The following PCYT1A variants were observed in gnomAD, a reference collection of about 807,000 sequenced individuals.
The protein encoded by PCYT1A is phosphate cytidylyltransferase 1A, choline.
PCYT1A carries 25 observed loss-of-function variants against 43.7 expected under a neutral mutation model. The ratio of observed to expected loss-of-function variants is 0.57; its 90% confidence interval spans 0.42 to 0.80. PCYT1A has a LOEUF of 0.80. Among genes scored for constraint, PCYT1A ranks in the 30% least tolerant of loss-of-function variants. The pLI is 0.00. For synonymous variants in PCYT1A, 172 were observed against 170.7 expected, an observed-to-expected ratio of 1.01 and a Z score of -0.06; for missense variants, 421 against 474.2, an observed-to-expected ratio of 0.89 and a Z score of 1.04.
At chr3:196,256,085 T>C (rs747755323) in intron 3 of PCYT1A, among the ~76,000 whole-genome samples, 22 of 152,090 alleles carry the variant, frequency 1.4e-4, no homozygotes, top group Non-Finnish European at 2.6e-4. Context: ...ATATGAACTA[T>C]ATCTACACAT....
intron 1 of PCYT1A, among the ~76,000 whole-genome samples, chr3:196,279,937 C>A (rs896835085): frequency 6.9e-6 from 1 of 145,838 alleles, no homozygotes; most frequent in Non-Finnish European, 1.5e-5. Flanking sequence ...CGGGTTCAAG[C>A]AATTCTCCTG....
rs1376247369 is a variant in PCYT1A, at chr3:196,277,751, A to G, written c.-10-7210T>C. Among the ~76,000 whole-genome samples the G allele has an allele frequency of 6.6e-6, 1 of 152,170 alleles. No individual in the cohort carries two copies. Among genetic ancestry groups the G allele is most frequent in the Non-Finnish European group, 1.5e-5 (1 of 68,024 alleles). ...CTGAGCGTGGTGGCATGCACCTGTA[A>G]TCCCAGCTACTTGGGAGGCTAAGGC... On this transcript the variant is annotated intron_variant, in intron 1 of 8. Transcript: ENST00000431016. The surrounding 1 kb of genome is among the most constrained non-coding windows in gnomAD (Gnocchi z 4.1).
At chr3:196,270,654 C>T (rs1725404034) in intron 1 of PCYT1A, 113 bp from the exon 2 acceptor site, 6 of 773,100 alleles carry the variant, frequency 7.8e-6, no homozygotes, top group South Asian at 7.0e-5. Context: ...AATTCTACAG[C>T]TGCACTTCAC....
chr3:196,248,355 A>G, intron 3 of PCYT1A, 32 bp from the exon 4 acceptor site: 1 of 1,285,460 alleles, frequency 7.8e-7, no homozygotes, highest in South Asian at 1.2e-5. Flanking sequence ...GATCACAAAA[A>G]TACCTTTTTT....
At chr3:196,253,303 C>T (rs1248118564) in intron 3 of PCYT1A, among the ~76,000 whole-genome samples, 2 of 138,234 alleles carry the variant, frequency 1.4e-5, no homozygotes, top group Non-Finnish European at 3.0e-5. Context: ...CGCCACTGCA[C>T]TCCAGCCTGC....
At chr3:196,243,540 G>C (rs1052892406) in intron 5 of PCYT1A, among the ~76,000 whole-genome samples, 6 of 139,796 alleles carry the variant, frequency 4.3e-5, no homozygotes, top group African/African-American at 1.6e-4. Context: ...CTCTCCCCAC[G>C]GTCTCCCTCT....
intron 2 of PCYT1A, among the ~76,000 whole-genome samples, chr3:196,261,970 T>C (rs926048135): frequency 6.6e-6 from 1 of 152,134 alleles, no homozygotes; most frequent in African/African-American, 2.4e-5. Context: ...TGTGCAGCTA[T>C]AACAAAGCAG....
At chr3:196,240,110 C>T (rs1724305679) in intron 7 of PCYT1A, 1 of 194,396 alleles carries the variant, frequency 5.1e-6, no homozygotes, top group African/African-American at 2.3e-5. Context: ...GATCACTGCA[C>T]AATACTGCCA....
rs145792997 is a variant in PCYT1A, at chr3:196,244,673, T to C, written c.487-2033A>G. Among the ~76,000 whole-genome samples the C allele has an allele frequency of 4.3e-3, 658 of 152,300 alleles. 16 individuals carry two copies. In the South Asian group the frequency reaches 0.07, roughly 16 times the overall value. On this transcript the variant is annotated intron_variant, in intron 5 of 8. Coordinates refer to ENST00000431016, the MANE Select transcript of PCYT1A (RefSeq NM_001312673.2). ...AAAAGGGGGAAATGTGGGGAAAAGA[T>C]AGAAAAATCAGATTGTTGCTGTGTC...
rs1394895328 is a variant in PCYT1A, at chr3:196,237,758, C to G, written c.*930G>C. On this transcript the variant is annotated 3_prime_UTR_variant, in exon 9 of 9. Transcript: ENST00000431016. ...GTAAAAGGCTAGGTAATATTAATAG[C>G]ATTCAAATAGGAGTAGCAGGGCCAG... is the stretch of plus-strand genomic sequence containing the variant. 2 of 152,136 alleles carry G rather than the reference C, an allele frequency of 1.3e-5. No individual in the cohort carries two copies. Among genetic ancestry groups the G allele is most frequent in the African/African-American group, 4.8e-5 (2 of 41,426 alleles). 9.4% of individuals were successfully genotyped at this position (152,136 alleles called of 1,614,324 possible).
chr3:196,259,847 A>G (rs1250375788), intron 2 of PCYT1A, among the ~76,000 whole-genome samples: 1 of 147,510 alleles, frequency 6.8e-6, no homozygotes, highest in Non-Finnish European at 1.5e-5. Context: ...CCTGTCTCAA[A>G]AAAAAAAAAA....
intron 3 of PCYT1A, among the ~76,000 whole-genome samples, chr3:196,257,134 T>C (rs1252150131): frequency 6.6e-6 from 1 of 152,192 alleles, no homozygotes; most frequent in African/African-American, 2.4e-5. Flanking sequence ...TCATAACAAA[T>C]GCTCTTGGAA....
At chr3:196,240,001 TAAAGTC>T (rs1724302396) in intron 7 of PCYT1A, 2 of 413,228 alleles carry the variant, frequency 4.8e-6, no homozygotes, top group African/African-American at 2.0e-5. Flanking sequence ...CGTAGCCAAA[TAAAGTC>T]AGAGTTTTAA....
chr3:196,265,348 G>T (rs1003884242), intron 2 of PCYT1A, among the ~76,000 whole-genome samples: 4 of 152,142 alleles, frequency 2.6e-5, no homozygotes, highest in African/African-American at 9.6e-5. Flanking sequence ...TTACAGGCGT[G>T]AGCCACTTGC....
chr3:196,257,167 A>G (rs1724972999), intron 3 of PCYT1A, among the ~76,000 whole-genome samples: 1 of 152,230 alleles, frequency 6.6e-6, no homozygotes, highest in Admixed American at 6.5e-5. Context: ...AATGATCTCT[A>G]AAACCAATTG....
intron 7 of PCYT1A, chr3:196,241,639 A>G (rs1054949867): frequency 1.5e-6 from 2 of 1,340,180 alleles, no homozygotes; most frequent in African/African-American, 2.9e-5. Context: ...GACATCATCC[A>G]ACCGAAGAAG....
chr3:196,257,939 T>C (rs1724996755), intron 2 of PCYT1A, 52 bp from the exon 3 acceptor site: 5 of 1,007,584 alleles, frequency 5.0e-6, no homozygotes, highest in Middle Eastern at 2.1e-4. Flanking sequence ...TGGCATACAC[T>C]GTAATACTAA....
At position 196,242,034 on chromosome 3, in the gene PCYT1A, G is replaced by C; in HGVS notation, c.622C>G (p.Arg208Gly). ...EGISTSDIITRIVRDYDVYAR... is the reference protein window; with the variant it reads ...EGISTSDIITGIVRDYDVYAR... ...TACACATCATAATCCCGCACAATTC[G>C]GGTGATGATGTCTGATGTGGAGATA... Residue 208 changes from arginine (R) to glycine (G), a missense_variant, in exon 7 of 9, where the codon CGA becomes GGA. Arg to Gly is a moderately radical substitution (Grantham distance 125). Transcript: ENST00000431016. The surrounding 1 kb of genome is among the most constrained non-coding windows in gnomAD (Gnocchi z 4.2). The C allele has an allele frequency of 3.1e-6, 5 of 1,614,076 alleles. No homozygotes were observed. Among genetic ancestry groups the C allele is most frequent in the Non-Finnish European group, 2.5e-6 (3 of 1,179,962 alleles).
chr3:196,236,632 GTTGA>G lies in PCYT1A; in HGVS notation c.*2052_*2055del, dbSNP rs1293648276. ...TGATCCAAGTTTTGTTTTTTTTCTA[GTTGA>G]TTATTTCTCTTTATTTCTGTATGTG... On this transcript the variant is annotated 3_prime_UTR_variant, in exon 9 of 9. Transcript: ENST00000431016. 3 of 151,988 alleles carry G rather than the reference GTTGA, an allele frequency of 2.0e-5. No homozygotes were observed. Among genetic ancestry groups the G allele is most frequent in the African/African-American group, 7.2e-5 (3 of 41,386 alleles). 9.4% of individuals were successfully genotyped at this position (151,988 alleles called of 1,614,324 possible).
Sources: allele counts gnomAD v4.1 joint callset (sites outside exome capture counted in the v4.1 genomes callset), GRCh38; gene constraint gnomAD v4.1.1; non-coding constraint Gnocchi (gnomAD v3.1); transcripts MANE v1.5; gene names NCBI Gene and HGNC (gene_info 2026-07-23, HGNC 2026-07-21).